FURIN: variants seen among roughly 807,000 people sequenced by gnomAD.
FURIN encodes the protein furin, paired basic amino acid cleaving enzyme.
FURIN carries 18 observed loss-of-function variants against 89.2 expected under a neutral mutation model. The observed-to-expected ratio is 0.20, with a 90% CI of 0.14 to 0.30. The LOEUF (loss-of-function observed/expected upper bound fraction) is 0.30, where lower values mean the gene tolerates loss of function less well. FURIN is among the 10% of genes least tolerant of loss of function. The probability of loss-of-function intolerance (pLI) is 1.00; values close to 1 mark genes in which losing one functional copy is unlikely to be tolerated. For missense variants in FURIN, 879 were observed against 1,100.5 expected, an observed-to-expected ratio of 0.80 and a Z score of 2.85; for synonymous variants, 508 against 466.4, an observed-to-expected ratio of 1.09 and a Z score of -1.15.
At chr15:90,872,159 C>T (rs1453163456) in intron 1 of FURIN, among the ~76,000 whole-genome samples, 3 of 151,420 alleles carry the variant, frequency 2.0e-5, no homozygotes, top group Non-Finnish European at 3.0e-5. Context: ...TTGGGCCTCG[C>T]CCCCGCCCGC....
At chr15:90,877,407 C>T (rs1266208250) in intron 6 of FURIN, 120 bp from the exon 7 acceptor site, 20 of 919,970 alleles carry the variant, frequency 2.2e-5, no homozygotes, top group Non-Finnish European at 3.1e-5. Flanking sequence ...GAGATGGGGG[C>T]TGGGTACTCA....
chr15:90,875,308 A>G (rs2151221895), intron 1 of FURIN, among the ~76,000 whole-genome samples: 1 of 152,188 alleles, frequency 6.6e-6, no homozygotes, highest in South Asian at 2.1e-4. Flanking sequence ...GTGCTGGATG[A>G]CAGAAGTGAG....
intron 1 of FURIN, among the ~76,000 whole-genome samples, chr15:90,873,955 G>T (rs2031463753): frequency 6.6e-6 from 1 of 152,212 alleles, no homozygotes; most frequent in African/African-American, 2.4e-5. Flanking sequence ...GAGAAGCAAG[G>T]AGTTTTCTGT....
Position 90,878,247 on chromosome 15 carries a change from G to A in FURIN, c.783G>A (p.Lys261=). The change falls in exon 8 of 16, where the codon AAG becomes AAA. Residue 261 remains lysine, a synonymous_variant. Transcript: ENST00000268171. The part of the protein sequence containing the change: ...SASWGPEDDG[K]TVDGPARLAE... ...GCTGGGGCCCCGAGGATGACGGCAAGACAGTGGATGGGCCAGCCCGCCTCG... is the reference window on the plus strand; with the variant it reads ...GCTGGGGCCCCGAGGATGACGGCAAAACAGTGGATGGGCCAGCCCGCCTCG... 4.3e-6 allele frequency: 7 copies of A among 1,613,356 alleles called. No individual in the cohort carries two copies. Among genetic ancestry groups the A allele is most frequent in the Non-Finnish European group, 5.9e-6 (7 of 1,179,680 alleles).
intron 1 of FURIN, among the ~76,000 whole-genome samples, chr15:90,874,216 C>CGGGCAGAGAGAG (rs986385895): frequency 2.6e-5 from 4 of 152,236 alleles, no homozygotes; most frequent in South Asian, 2.1e-4. Context: ...TATGTGGCCC[C>CGGGCAGAGAGAG]GGGCAGAGAG....
chr15:90,872,060 G>A (rs1412317051), intron 1 of FURIN, among the ~76,000 whole-genome samples: 1 of 151,476 alleles, frequency 6.6e-6, no homozygotes, highest in Non-Finnish European at 1.5e-5. Context: ...CGGGGCTGCC[G>A]CCGGCTCGCC....
In FURIN at chr15:90,876,635, G is replaced by T. The variant is rs2031645972; in HGVS notation, c.372+78G>T. 3 of 1,011,384 alleles carry T rather than the reference G, an allele frequency of 3.0e-6. No individual in the cohort carries two copies. The highest frequency in any genetic ancestry group is 1.3e-5 in the South Asian group (1 of 76,078). The allele number at this position is 1,011,384 out of a possible 1,614,324, so 62.7% of individuals were successfully genotyped here. A position where few individuals can be genotyped will look rare whatever the true frequency, so the allele number is the denominator to read the frequency against. Reference sequence around the variant, plus strand: ...CACTATGAGCTCTTGGATGGAGGAGGCTGTCTTCGAGGCCTCCTCTGATTC... The same window carrying T: ...CACTATGAGCTCTTGGATGGAGGAGTCTGTCTTCGAGGCCTCCTCTGATTC... On this transcript the variant is annotated intron_variant, in intron 4 of 15. Transcript: ENST00000268171. This position sits in a 1 kb window ranked among gnomAD's most constrained non-coding sequence, Gnocchi z 5.0.
Position 90,878,165 on chromosome 15 carries a change from C to G in FURIN, c.701C>G (p.Ala234Gly). 1.9e-6 allele frequency: 3 copies of G among 1,613,880 alleles called. No homozygotes were observed. The highest frequency in any genetic ancestry group is 2.5e-6 in the Non-Finnish European group (3 of 1,180,006). The change falls in exon 8 of 16, where the codon GCA (alanine) becomes GGA (glycine). Residue 234 changes from alanine to glycine, a missense_variant. By Grantham distance (60) the Ala-to-Gly change is moderately conservative. Transcript: ENST00000268171. ...VRMLDGEVTD[A>G]VEARSLGLNP... Reference sequence around the variant, plus strand: ...ATGCTGGATGGCGAGGTGACAGATGCAGTGGAGGCACGCTCGCTGGGCCTG... The same window carrying G: ...ATGCTGGATGGCGAGGTGACAGATGGAGTGGAGGCACGCTCGCTGGGCCTG...
chr15:90,877,569 C>T lies in FURIN; in HGVS notation c.621C>T (p.Asn207=), dbSNP rs1398109218. ...RCAGEVAAVA[N]NGVCGVGVAY... ...CGGGGGAAGTGGCTGCGGTGGCCAA[C>T]AACGGTGTCTGTGGTGTAGGTGTGG... Residue 207 remains asparagine (N), a synonymous_variant, in exon 7 of 16, where the codon AAC becomes AAT. Coordinates refer to ENST00000268171, the MANE Select transcript of FURIN (RefSeq NM_002569.4). 7 of 1,579,592 alleles carry T rather than the reference C, an allele frequency of 4.4e-6. No homozygotes were observed. The South Asian group carries it at 7.0e-5, about 16-fold the overall frequency.
chr15:90,879,857 G>T lies in FURIN; in HGVS notation c.1259-10G>T. On this transcript the variant is annotated splice_polypyrimidine_tract_variant and intron_variant, in intron 11 of 15. Transcript: ENST00000268171. Reference sequence around the variant, plus strand: ...CCTGACAGCTGACCCTACCTTCCCTGTCCCCACAGTGAGCCACTCATATGG... The same window carrying T: ...CCTGACAGCTGACCCTACCTTCCCTTTCCCCACAGTGAGCCACTCATATGG... The T allele has an allele frequency of 6.2e-7, 1 of 1,612,300 alleles. No homozygotes were observed. Among genetic ancestry groups the T allele is most frequent in the Non-Finnish European group, 8.5e-7 (1 of 1,178,762 alleles).
chr15:90,879,053 T>A, intron 9 of FURIN, 77 bp downstream of exon 9: 3 of 912,582 alleles, frequency 3.3e-6, no homozygotes, highest in Non-Finnish European at 5.1e-6. Flanking sequence ...TTTTGGAGGC[T>A]GTCTGCCTCC....
intron 1 of FURIN, among the ~76,000 whole-genome samples, chr15:90,871,366 C>G (rs1174970868): frequency 1.3e-5 from 2 of 151,706 alleles, no homozygotes; most frequent in Non-Finnish European, 2.9e-5. Flanking sequence ...AGGGACGCGC[C>G]GGGCGGCCGC....
chr15:90,869,273 G>A (rs2031175934), intron 1 of FURIN, among the ~76,000 whole-genome samples: 1 of 152,134 alleles, frequency 6.6e-6, no homozygotes, highest in African/African-American at 2.4e-5. Flanking sequence ...GGGATCCAGA[G>A]GACCTTGGGC....
chr15:90,873,636 G>C (rs1250193342), intron 1 of FURIN, among the ~76,000 whole-genome samples: 4 of 137,528 alleles, frequency 2.9e-5, no homozygotes, highest in East Asian at 1.9e-4. Context: ...GACTTGGGGT[G>C]GGGGGGGCGG....
chr15:90,877,489 C>G (rs200610592), intron 6 of FURIN, 38 bp from the exon 7 acceptor site: 138 of 1,504,594 alleles, frequency 9.2e-5, no homozygotes, highest in Admixed American at 4.0e-4. Flanking sequence ...CTGTTCACCC[C>G]ATTTGTTCTA....
At chr15:90,878,110 C>T (rs758609441) in intron 7 of FURIN, 22 bp from the exon 8 acceptor site, 11 of 1,612,626 alleles carry the variant, frequency 6.8e-6, no homozygotes, top group Middle Eastern at 1.7e-4. Flanking sequence ...CATCCCTCTT[C>T]GTGCCCCCCC....
In FURIN at chr15:90,883,445, C is replaced by G. The variant is rs1191112205; in HGVS notation, c.*1567C>G. The G allele has an allele frequency of 6.6e-6, 1 of 152,608 alleles. No individual in the cohort carries two copies. Among genetic ancestry groups the G allele is most frequent in the African/African-American group, 2.4e-5 (1 of 41,476 alleles). 9.5% of individuals were successfully genotyped at this position (152,608 alleles called of 1,614,324 possible). A position where few individuals can be genotyped will look rare whatever the true frequency, so the allele number is the denominator to read the frequency against. On this transcript the variant is annotated 3_prime_UTR_variant, in exon 16 of 16. Coordinates refer to ENST00000268171, the MANE Select transcript of FURIN (RefSeq NM_002569.4). ...GTTTTAAAGTGATTAAACGTGCAGA[C>G]TATGCAAACCAGGCCCAGTCTCCAG...
chr15:90,876,623 TG>T lies in FURIN; in HGVS notation c.372+68del. On this transcript the variant is annotated intron_variant, in intron 4 of 15. Transcript: ENST00000268171. The surrounding 1 kb of genome is among the most constrained non-coding windows in gnomAD (Gnocchi z 5.0). ...GCACCATCCACCCACTATGAGCTCT[TG>T]GATGGAGGAGGCTGTCTTCGAGGCC... 1 of 1,055,082 alleles carries T rather than the reference TG, an allele frequency of 9.5e-7. No individual in the cohort carries two copies. Among genetic ancestry groups the T allele is most frequent in the Admixed American group, 1.8e-5 (1 of 55,130 alleles). 65.4% of individuals were successfully genotyped at this position (1,055,082 alleles called of 1,614,324 possible). A position where few individuals can be genotyped will look rare whatever the true frequency, so the allele number is the denominator to read the frequency against.
rs777985700 is a variant in FURIN, at chr15:90,878,166, A to G, written c.702A>G (p.Ala234=). The change falls in exon 8 of 16, where the codon GCA becomes GCG. Residue 234 remains alanine, a synonymous_variant. Coordinates refer to ENST00000268171, the MANE Select transcript of FURIN (RefSeq NM_002569.4). ...VRMLDGEVTD[A]VEARSLGLNP... ...TGCTGGATGGCGAGGTGACAGATGC[A>G]GTGGAGGCACGCTCGCTGGGCCTGA... 6.2e-7 allele frequency: 1 copy of G among 1,613,896 alleles called. No individual in the cohort carries two copies. Among genetic ancestry groups the G allele is most frequent in the Admixed American group, 1.7e-5 (1 of 60,032 alleles).
Sources: gnomAD v4.1 joint callset for allele counts (sites outside exome capture counted in the v4.1 genomes callset) on GRCh38, gnomAD v4.1.1 for gene constraint, Gnocchi (gnomAD v3.1) non-coding constraint, MANE v1.5 for transcripts, NCBI Gene and HGNC (gene_info 2026-07-23, HGNC 2026-07-21) for gene names.